Variants in SLC5A11 observed in about 807,000 individuals in gnomAD.
The protein encoded by SLC5A11 is solute carrier family 5 member 11.
SLC5A11 carries 48 observed loss-of-function variants against 69.8 expected under a neutral mutation model. The observed-to-expected ratio is 0.69, with a 90% CI of 0.55 to 0.87. SLC5A11 has a LOEUF of 0.87. SLC5A11 is among the 40% of genes least tolerant of loss of function. The pLI, the probability that SLC5A11 is intolerant of heterozygous loss-of-function variation, is 0.00. For synonymous variants in SLC5A11, 319 were observed against 342.4 expected (o/e 0.93, Z 0.75); for missense variants, 784 against 866.1 (o/e 0.91, Z 1.19).
chr16:24,862,522 C>A, intron 2 of SLC5A11, 79 bp from the exon 4 acceptor site: 1 of 1,193,342 alleles, frequency 8.4e-7, no homozygotes, highest in Non-Finnish European at 1.2e-6. Flanking sequence ...GTTTGCAATC[C>A]CTGCCTGGCC....
At position 24,907,898 on chromosome 16, in the gene SLC5A11, G is replaced by C. The variant is rs1255368185; in HGVS notation, c.1266-65G>C. ...AAGACCCTGTCTATTAAAAGAGACA[G>C]AGAGAGGGAAAGAGGAGTAAATGTT... is the stretch of plus-strand genomic sequence containing the variant. On this transcript the variant is annotated intron_variant, in intron 12 of 15. Transcript: ENST00000347898. 3 of 1,586,904 alleles carry C rather than the reference G, an allele frequency of 1.9e-6. No individual in the cohort carries two copies. The African/African-American group carries it at 4.2e-5, about 22-fold the overall frequency.
At chr16:24,884,707 G>A (rs2048287692) in intron 8 of SLC5A11, among the ~76,000 whole-genome samples, 1 of 150,700 alleles carries the variant, frequency 6.6e-6, no homozygotes, top group Admixed American at 6.7e-5. Flanking sequence ...ATAAAAGAAT[G>A]TGAAGAGACA....
At chr16:24,877,329 G>T (rs772308351) in exon 7 of SLC5A11, 1 of 1,614,020 alleles carries the variant, frequency 6.2e-7, no homozygotes, top group Non-Finnish European at 8.5e-7. Flanking sequence ...CCATAGTTGG[G>T]CTACTGGCCA....
intron 11 of SLC5A11, 21 bp from the exon 13 acceptor site, chr16:24,907,004 T>C (rs2152419193): frequency 1.2e-6 from 2 of 1,611,510 alleles, no homozygotes; most frequent in East Asian, 4.5e-5. Flanking sequence ...CCGAGGCCCA[T>C]GACCTCCCTT....
intron 8 of SLC5A11, among the ~76,000 whole-genome samples, chr16:24,889,093 G>A (rs945730101): frequency 1.3e-4 from 20 of 152,104 alleles, no homozygotes; most frequent in Non-Finnish European, 4.4e-5. Context: ...CACCTGGCCC[G>A]GCCCAATATC....
Position 24,906,837 on chromosome 16 carries a change from C to T in SLC5A11, c.1114+73C>T, listed in dbSNP as rs1307028135. 2.8e-5 allele frequency: 40 copies of T among 1,451,474 alleles called. No homozygotes were observed. The Middle Eastern group carries it at 8.9e-4, about 32-fold the overall frequency. 89.9% of individuals were successfully genotyped at this position (1,451,474 alleles called of 1,614,324 possible). A position where few individuals can be genotyped will look rare whatever the true frequency, so the allele number is the denominator to read the frequency against. On this transcript the variant is annotated intron_variant, in intron 11 of 15. Transcript: ENST00000347898. ...GGAGATCACCGGATGGGCTCTGATC[C>T]AAGGCAGGGTCAAGAAAGGAGGGCT...
intron 7 of SLC5A11, among the ~76,000 whole-genome samples, chr16:24,877,676 C>A (rs1461394696): frequency 6.6e-6 from 1 of 152,130 alleles, no homozygotes; most frequent in African/African-American, 2.4e-5. Flanking sequence ...ATGGCAAAAT[C>A]CCATCTCTAC....
Position 24,898,124 on chromosome 16 carries a change from G to A in SLC5A11, c.1006+15G>A. Reference sequence around the variant, plus strand: ...CCTCTTCCCAGGTGAGAACACAGCTGGGGGAAGAGGTCATTGGTATGTGAG... The same window carrying A: ...CCTCTTCCCAGGTGAGAACACAGCTAGGGGAAGAGGTCATTGGTATGTGAG... On this transcript the variant is annotated intron_variant, in intron 10 of 15. Transcript: ENST00000347898. The A allele has an allele frequency of 1.2e-6, 2 of 1,612,602 alleles. No homozygotes were observed. Among genetic ancestry groups the A allele is most frequent in the Non-Finnish European group, 1.7e-6 (2 of 1,179,672 alleles).
chr16:24,872,322 G>A, intron 5 of SLC5A11, 103 bp downstream of exon 6: 1 of 1,372,204 alleles, frequency 7.3e-7, no homozygotes, highest in Non-Finnish European at 1.0e-6. Flanking sequence ...CCTGCCCATG[G>A]TCATGTATTC....
chr16:24,896,376 T>A (rs1686990488), intron 9 of SLC5A11, among the ~76,000 whole-genome samples: 1 of 151,988 alleles, frequency 6.6e-6, no homozygotes, highest in Admixed American at 6.6e-5. Context: ...ATGCCTGTTG[T>A]CTCAGCTACT....
intron 7 of SLC5A11, among the ~76,000 whole-genome samples, chr16:24,881,727 A>T: frequency 6.6e-6 from 1 of 152,172 alleles, no homozygotes; most frequent in East Asian, 1.9e-4. Context: ...CTCTGAGATG[A>T]GAACCTGCTT....
Position 24,870,952 on chromosome 16 carries a change from C to T in SLC5A11, c.312+947C>T, listed in dbSNP as rs569404311. Among the ~76,000 whole-genome samples the T allele has an allele frequency of 5.3e-5, 8 of 152,048 alleles. No individual in the cohort carries two copies. The South Asian group carries it at 1.7e-3, about 32-fold the overall frequency. ...AGTAGTTTTTGACTTTGTTTGCTAC[C>T]TCTGAGATACTCAAGGGATAAGATA... On this transcript the variant is annotated intron_variant, in intron 4 of 15. Coordinates refer to ENST00000347898, the Ensembl canonical transcript of SLC5A11.
intron 8 of SLC5A11, among the ~76,000 whole-genome samples, chr16:24,890,520 G>GAAAAAA (rs2048718306): frequency 1.1e-4 from 1 of 9,048 alleles, no homozygotes; most frequent in African/African-American, 2.9e-4. Flanking sequence ...AAAAAAGAAG[G>GAAAAAA]AAGGAAGGAA....
chr16:24,900,506 A>G (rs2049501760), intron 10 of SLC5A11, among the ~76,000 whole-genome samples: 1 of 152,200 alleles, frequency 6.6e-6, no homozygotes, highest in African/African-American at 2.4e-5. Context: ...TCCTGCTTCC[A>G]GGAAAGGGCA....
intron 15 of SLC5A11, 69 bp downstream of exon 16, chr16:24,910,546 TC>T (rs2050444098): frequency 6.9e-7 from 1 of 1,452,784 alleles, no homozygotes; most frequent in African/African-American, 1.4e-5. Flanking sequence ...TTTTTTTTTT[TC>T]CTATCAAATC....
Position 24,884,151 on chromosome 16 carries a change from C to T in SLC5A11, c.664+20C>T, listed in dbSNP as rs1427338707. On this transcript the variant is annotated intron_variant, in intron 8 of 15. Transcript: ENST00000347898. Reference sequence around the variant, plus strand: ...GCTACAGTAAGTGGGGTCCCCGGGTCACTGGGGCGGACAACAGCACCTCTC... The same window carrying T: ...GCTACAGTAAGTGGGGTCCCCGGGTTACTGGGGCGGACAACAGCACCTCTC... 9 of 1,611,892 alleles carry T rather than the reference C, an allele frequency of 5.6e-6. No individual in the cohort carries two copies. The highest frequency in any genetic ancestry group is 7.6e-6 in the Non-Finnish European group (9 of 1,178,088).
At chr16:24,906,822 G>GGAT (rs2050101757) in intron 11 of SLC5A11, 58 bp downstream of exon 12, 9 of 1,494,166 alleles carry the variant, frequency 6.0e-6, no homozygotes, top group East Asian at 2.3e-5. Flanking sequence ...GGAGATCACC[G>GGAT]GATGGGCTCT....
chr16:24,858,775 A>T, exon 2 of SLC5A11: 1 of 1,610,956 alleles, frequency 6.2e-7, no homozygotes, highest in African/African-American at 1.3e-5. Context: ...CTGTTGGACT[A>T]TGGGTAAGCC....
Position 24,899,538 on chromosome 16 carries a change from G to C in SLC5A11, c.1006+1429G>C, listed in dbSNP as rs1294989954. Among the ~76,000 whole-genome samples, 7 of 151,982 alleles carry C rather than the reference G, an allele frequency of 4.6e-5. No homozygotes were observed. In the East Asian group the frequency reaches 1.2e-3, roughly 25 times the overall value. On this transcript the variant is annotated intron_variant, in intron 10 of 15. Coordinates refer to ENST00000347898, the Ensembl canonical transcript of SLC5A11. ...CATGCCTCAGCCTCCCAAGTAGCTG[G>C]GACTACAGGCATGCACCACCATGCC...
Sources: gnomAD v4.1 joint callset for allele counts (sites outside exome capture counted in the v4.1 genomes callset) on GRCh38, gnomAD v4.1.1 for gene constraint, MANE v1.5 for transcripts, NCBI Gene and HGNC (gene_info 2026-07-23, HGNC 2026-07-21) for gene names.